The following GPHN variants were observed in gnomAD, a reference collection of about 807,000 sequenced individuals.
GPHN encodes gephyrin.
GPHN carries 17 observed loss-of-function variants against 95.5 expected under a neutral mutation model. That is an observed-to-expected ratio of 0.18 (90% CI 0.12 to 0.27). GPHN has a LOEUF of 0.27. GPHN is among the 10% of genes least tolerant of loss of function. The pLI is 1.00. For missense variants in GPHN, 660 were observed against 978.1 expected (o/e 0.67, Z 4.34); for synonymous variants, 320 against 322.5 (o/e 0.99, Z 0.08).
chr14:67,686,969 T>C, the GPHN span, among the ~76,000 whole-genome samples: 1 of 152,140 alleles, frequency 6.6e-6, no homozygotes, highest in African/African-American at 2.4e-5. Flanking sequence ...AGATGACCCA[T>C]AGTAATGCAG....
intron 11 of GPHN, among the ~76,000 whole-genome samples, chr14:67,078,424 C>T (rs1182627087): frequency 1.3e-5 from 2 of 152,118 alleles, no homozygotes; most frequent in African/African-American, 4.8e-5. Context: ...GTCATAATAT[C>T]CAGGTGAGAA....
chr14:66,839,531 T>A (rs1185821423), intron 4 of GPHN, among the ~76,000 whole-genome samples: 4 of 152,340 alleles, frequency 2.6e-5, no homozygotes, highest in Admixed American at 6.5e-5. Context: ...CAAAATTTTT[T>A]AAATACTCTT....
chr14:67,031,569 T>C (rs2153630929), intron 10 of GPHN, among the ~76,000 whole-genome samples: 1 of 152,306 alleles, frequency 6.6e-6, no homozygotes, highest in African/African-American at 2.4e-5. Context: ...TTTTCCTTGC[T>C]ATATCCTTAT....
intron 1 of GPHN, among the ~76,000 whole-genome samples, chr14:66,596,294 G>C (rs899785341): frequency 6.6e-6 from 1 of 152,058 alleles, no homozygotes; most frequent in Non-Finnish European, 1.5e-5. Flanking sequence ...TCCAGTCCAT[G>C]GCACTGGCAG....
At chr14:67,619,904 G>T in the GPHN span, 10 of 1,013,836 alleles carry the variant, frequency 9.9e-6, no homozygotes, top group Admixed American at 6.3e-5. Context: ...AAGAGCAGCG[G>T]CGGGCGGTGG....
At chr14:67,228,001 C>A in the GPHN span, among the ~76,000 whole-genome samples, 1 of 151,956 alleles carries the variant, frequency 6.6e-6, no homozygotes, top group African/African-American at 2.4e-5. Context: ...GAAACCTCAT[C>A]TCTACTAAAA....
At chr14:66,910,713 A>G (rs2065630108) in intron 5 of GPHN, among the ~76,000 whole-genome samples, 1 of 152,052 alleles carries the variant, frequency 6.6e-6, no homozygotes, top group Non-Finnish European at 1.5e-5. Flanking sequence ...ACACACATAC[A>G]TATACAAAAG....
At chr14:66,879,059 G>C (rs2063805214) in intron 4 of GPHN, among the ~76,000 whole-genome samples, 1 of 152,056 alleles carries the variant, frequency 6.6e-6, no homozygotes, top group African/African-American at 2.4e-5. Flanking sequence ...CCTTTGCAGG[G>C]ACATGGATGA....
chr14:67,730,151 C>A, the GPHN span, among the ~76,000 whole-genome samples: 1 of 152,126 alleles, frequency 6.6e-6, no homozygotes, highest in Non-Finnish European at 1.5e-5. Context: ...CACAACCCTG[C>A]GAGGCAGGTA....
At chr14:67,602,876 A>C in the GPHN span, among the ~76,000 whole-genome samples, 1 of 152,226 alleles carries the variant, frequency 6.6e-6, no homozygotes, top group Non-Finnish European at 1.5e-5. Context: ...ATATCACTGT[A>C]ACACATTTTT....
chr14:67,111,466 G>A (rs1284581941), intron 14 of GPHN, among the ~76,000 whole-genome samples: 1 of 152,098 alleles, frequency 6.6e-6, no homozygotes, highest in African/African-American at 2.4e-5. Context: ...TTGAACCCAT[G>A]ATTCATGGGA....
At chr14:66,590,446 G>A (rs1471866410) in intron 1 of GPHN, among the ~76,000 whole-genome samples, 3 of 152,024 alleles carry the variant, frequency 2.0e-5, no homozygotes, top group African/African-American at 2.4e-5. Flanking sequence ...GAATTAAACA[G>A]ACATTATAAA....
At chr14:66,904,003 C>G (rs1229121393) in intron 5 of GPHN, among the ~76,000 whole-genome samples, 1 of 152,118 alleles carries the variant, frequency 6.6e-6, no homozygotes, top group Non-Finnish European at 1.5e-5. Context: ...TTTTATATTA[C>G]CTATCTCTTA....
At chr14:67,719,326 G>T in the GPHN span, among the ~76,000 whole-genome samples, 5 of 152,202 alleles carry the variant, frequency 3.3e-5, no homozygotes, top group African/African-American at 4.8e-5. Context: ...ACTCGCAATA[G>T]AATTTGAGTG....
rs77796655 is a variant in GPHN at position 66,609,310 on chromosome 14, C to T, written c.65-71797C>T. Among the ~76,000 whole-genome samples the T allele has an allele frequency of 8.0e-3, 1,214 of 152,152 alleles. 9 individuals are homozygous for T. The highest frequency in any genetic ancestry group is 0.028 in the African/African-American group (1,155 of 41,524). On this transcript the variant is annotated intron_variant, in intron 1 of 22. Transcript: ENST00000478722. The stretch of plus-strand genomic sequence containing the variant: ...GCTTGTAAGTTTCTGCTGAGTAGCC[C>T]GCTACTATCCTGATGGGGTTTCCTT...
chr14:66,571,742 C>T (rs951433637), intron 1 of GPHN, among the ~76,000 whole-genome samples: 8 of 151,982 alleles, frequency 5.3e-5, no homozygotes, highest in Non-Finnish European at 1.0e-4. Context: ...ACCTGGGAGT[C>T]GGAGCTTACA....
chr14:67,677,766 C>CA, the GPHN span: 1 of 152,424 alleles, frequency 6.6e-6, no homozygotes, highest in African/African-American at 2.4e-5. Context: ...GGAAGACACA[C>CA]AAAGATATAC....
chr14:66,965,287 A>G lies in GPHN; in HGVS notation c.925A>G (p.Thr309Ala), dbSNP rs1286479815. 1.9e-6 allele frequency: 3 copies of G among 1,613,680 alleles called. No homozygotes were observed. In the East Asian group the frequency reaches 6.7e-5, roughly 36 times the overall value. ...TTCAGAATCGCCTCGTGCTCAGGCTACATCTCGCCTCTCTACAGCTTCCTG... is the reference window on the plus strand; with the variant it reads ...TTCAGAATCGCCTCGTGCTCAGGCTGCATCTCGCCTCTCTACAGCTTCCTG... ...TPSESPRAQA[T>A]SRLSTASCPT... Residue 309 changes from threonine to alanine, a missense_variant, in exon 9 of 23, where the codon ACA becomes GCA. Around this residue, in one of 6 missense-constraint regions of GPHN, gnomAD observed 190 missense variants for 224.7 expected, o/e 0.85. Coordinates refer to ENST00000478722, the MANE Select transcript of GPHN (RefSeq NM_020806.5).
chr14:67,548,892 T>G, the GPHN span, among the ~76,000 whole-genome samples: 1 of 152,136 alleles, frequency 6.6e-6, no homozygotes. Flanking sequence ...TACCAAAAAT[T>G]TGTAGTTCAG....
Sources: allele counts gnomAD v4.1 joint callset (sites outside exome capture counted in the v4.1 genomes callset), GRCh38; gene constraint gnomAD v4.1.1; regional missense constraint gnomAD v4.1.1; transcripts MANE v1.5; gene names NCBI Gene and HGNC (gene_info 2026-07-23, HGNC 2026-07-21).